Variants in ATP2B2 observed in about 807,000 individuals in gnomAD.
The protein encoded by ATP2B2 is plasma membrane calcium-transporting ATPase 2.
ATP2B2 carries 15 observed loss-of-function variants against 120.0 expected under a neutral mutation model. That is an observed-to-expected ratio of 0.12 (90% confidence interval 0.08 to 0.19). ATP2B2 has a LOEUF of 0.19. ATP2B2 is among the 10% of genes least tolerant of loss of function. The probability of loss-of-function intolerance (pLI) is 1.00; values close to 1 mark genes in which losing one functional copy is unlikely to be tolerated. For synonymous variants in ATP2B2, 694 were observed against 700.3 expected, an observed-to-expected ratio of 0.99 and a Z score of 0.14; for missense variants, 1,045 against 1,719.8, an observed-to-expected ratio of 0.61 and a Z score of 6.94.
chr3:10,563,517 G>A lies in ATP2B2; in HGVS notation c.-414-29384C>T, dbSNP rs1252039240. On this transcript the variant is annotated intron_variant, in intron 2 of 21. Coordinates refer to the ATP2B2 transcript ENST00000646379. Reference sequence around the variant, plus strand: ...TTGTTGGTTTGGGGTTGACGTGTAAGGTCTGAGAATCAGGGCTTCCTTGCA... The same window carrying A: ...TTGTTGGTTTGGGGTTGACGTGTAAAGTCTGAGAATCAGGGCTTCCTTGCA... Among the ~76,000 whole-genome samples the A allele has an allele frequency of 2.6e-5, 4 of 152,264 alleles. No homozygotes were observed. The East Asian group carries it at 7.7e-4, about 29-fold the overall frequency.
chr3:10,394,463 CTGTGAG>C (rs1363574908), intron 5 of ATP2B2: 1 of 471,248 alleles, frequency 2.1e-6, no homozygotes, highest in Non-Finnish European at 4.4e-6. Flanking sequence ...GGTCACACAG[CTGTGAG>C]TGGTGGAGCC....
intron 1 of ATP2B2, among the ~76,000 whole-genome samples, chr3:10,631,834 T>C (rs928003316): frequency 6.6e-6 from 1 of 152,228 alleles, no homozygotes; most frequent in Admixed American, 6.5e-5. Context: ...TGCCAGAAGA[T>C]TTAACATAGC....
rs1007268769 is a variant in ATP2B2, at chr3:10,664,227, C to T, written c.-460+43688G>A. On this transcript the variant is annotated intron_variant, in intron 1 of 21. Transcript: ENST00000646379. ...TTTTATCACCTGCAGCTGTCACCCC[C>T]GCAGCATGTTTCTAATGAGAAGATC... Among the ~76,000 whole-genome samples the T allele has an allele frequency of 4.6e-5, 7 of 152,088 alleles. No individual in the cohort carries two copies. The East Asian group carries it at 7.7e-4, about 17-fold the overall frequency.
intron 2 of ATP2B2, among the ~76,000 whole-genome samples, chr3:10,572,756 G>A (rs779369018): frequency 2.1e-4 from 32 of 152,182 alleles, no homozygotes; most frequent in Admixed American, 3.3e-4. Context: ...ATCTGCAGGG[G>A]CCACATGAGA....
chr3:10,386,588 C>A (rs2061687865), intron 6 of ATP2B2, 76 bp from the exon 7 acceptor site: 2 of 1,483,742 alleles, frequency 1.3e-6, no homozygotes, highest in South Asian at 2.3e-5. Flanking sequence ...CGCGCACACA[C>A]ACAAACACAC....
intron 2 of ATP2B2, among the ~76,000 whole-genome samples, chr3:10,546,522 G>A (rs1292988390): frequency 1.3e-5 from 2 of 152,170 alleles, no homozygotes; most frequent in African/African-American, 4.8e-5. Flanking sequence ...ACCCCGCTGG[G>A]GCCACTCAGC....
Position 10,375,380 on chromosome 3 carries a change from C to T in ATP2B2, c.1416+50G>A, listed in dbSNP as rs2061352961. The T allele has an allele frequency of 3.3e-6, 5 of 1,518,226 alleles. No individual in the cohort carries two copies. Among genetic ancestry groups the T allele is most frequent in the Non-Finnish European group, 4.5e-6 (5 of 1,100,454 alleles). The allele number at this position is 1,518,226 out of a possible 1,614,324, so 94.0% of individuals were successfully genotyped here. A position where few individuals can be genotyped will look rare whatever the true frequency, so the allele number is the denominator to read the frequency against. ...CCAGCCCCAGTGATTCCCCCAGGCC[C>T]TCAGCTGCAGCTGCATCAGCCGGCT... On this transcript the variant is annotated intron_variant, in intron 11 of 22. Coordinates refer to ENST00000360273, the MANE Select transcript of ATP2B2 (RefSeq NM_001001331.4). This position sits in a 1 kb window ranked among gnomAD's most constrained non-coding sequence, Gnocchi z 4.2.
intron 2 of ATP2B2, among the ~76,000 whole-genome samples, chr3:10,593,415 T>C (rs1324396360): frequency 2.0e-5 from 3 of 152,178 alleles, no homozygotes; most frequent in Non-Finnish European, 4.4e-5. Context: ...TACCCCGGCC[T>C]AGAACAGGCT....
In ATP2B2 at chr3:10,558,633, C is replaced by T. The variant is rs1211545515; in HGVS notation, c.-414-24500G>A. Among the ~76,000 whole-genome samples the T allele has an allele frequency of 2.0e-5, 3 of 152,166 alleles. 1 individual carries two copies. In the East Asian group the frequency reaches 5.8e-4, roughly 29 times the overall value. On this transcript the variant is annotated intron_variant, in intron 2 of 21. Coordinates refer to the ATP2B2 transcript ENST00000646379. ...TCCTATGACTGTTCAGTTACTCAAG[C>T]CAATAAGTGGAATAATGGAAACCCC...
intron 1 of ATP2B2, among the ~76,000 whole-genome samples, chr3:10,634,039 C>T (rs2069950142): frequency 6.6e-6 from 1 of 152,200 alleles, no homozygotes; most frequent in Non-Finnish European, 1.5e-5. Context: ...AACCCTTCTT[C>T]CTTGCCGCCT....
At chr3:10,337,760 G>A (rs1342168024) in intron 22 of ATP2B2, among the ~76,000 whole-genome samples, 5 of 152,008 alleles carry the variant, frequency 3.3e-5, no homozygotes, top group African/African-American at 1.2e-4. Flanking sequence ...TGACCACCAC[G>A]CCCTGGGGGA....
chr3:10,614,977 C>T (rs138936914), intron 2 of ATP2B2, among the ~76,000 whole-genome samples: 283 of 152,250 alleles, frequency 1.9e-3, no homozygotes, highest in African/African-American at 6.6e-3. Flanking sequence ...TCAAGTGTCC[C>T]CTCAATTCCA....
At chr3:10,550,123 T>C (rs1426022817) in intron 2 of ATP2B2, among the ~76,000 whole-genome samples, 1 of 152,256 alleles carries the variant, frequency 6.6e-6, no homozygotes. Flanking sequence ...GAGTCTCTTG[T>C]GGCTGGCTAG....
chr3:10,468,846 A>C (rs1187133941), intron 1 of ATP2B2, among the ~76,000 whole-genome samples: 1 of 152,224 alleles, frequency 6.6e-6, no homozygotes, highest in Non-Finnish European at 1.5e-5. Flanking sequence ...TCATGGGCCC[A>C]CTTGCTCCAC....
intron 1 of ATP2B2, among the ~76,000 whole-genome samples, chr3:10,629,862 C>T (rs1255963506): frequency 1.3e-5 from 2 of 152,244 alleles, no homozygotes; most frequent in East Asian, 3.8e-4. Context: ...AAGCAGAAAT[C>T]CTCTTACAAC....
chr3:10,386,598 CAT>C (rs2061688439), intron 6 of ATP2B2, 86 bp from the exon 7 acceptor site: 10 of 1,415,624 alleles, frequency 7.1e-6, no homozygotes, highest in Non-Finnish European at 8.0e-6. Context: ...CACAAACACA[CAT>C]GTGCATACAC....
In ATP2B2 at chr3:10,345,859, T is replaced by C. The variant is rs9835022; in HGVS notation, c.2511+172A>G. Among the ~76,000 whole-genome samples the C allele has an allele frequency of 0.045, 6,859 of 152,218 alleles. 537 individuals carry two copies. Among genetic ancestry groups the C allele is most frequent in the African/African-American group, 0.16 (6,492 of 41,502 alleles). On this transcript the variant is annotated intron_variant, in intron 17 of 22. Transcript: ENST00000360273. ...CTCCCCCAGAGCAAGAAGCATCCTA[T>C]GCCTTTCCAGGAAGACCTCGGGGTC...
chr3:10,407,054 C>G (rs2062437803), intron 3 of ATP2B2, among the ~76,000 whole-genome samples: 1 of 152,200 alleles, frequency 6.6e-6, no homozygotes, highest in Admixed American at 6.5e-5. Flanking sequence ...AGTTGCGGGT[C>G]TTTCATCCCT....
chr3:10,439,578 G>T (rs1182499624), intron 2 of ATP2B2, among the ~76,000 whole-genome samples: 1 of 152,196 alleles, frequency 6.6e-6, no homozygotes, highest in Non-Finnish European at 1.5e-5. Context: ...AACAAATGAT[G>T]CATTAAGAAC....
Sources: gnomAD v4.1 joint callset for allele counts (sites outside exome capture counted in the v4.1 genomes callset) on GRCh38, gnomAD v4.1.1 for gene constraint, Gnocchi (gnomAD v3.1) non-coding constraint, MANE v1.5 for transcripts, NCBI Gene and HGNC (gene_info 2026-07-23, HGNC 2026-07-21) for gene names.